TASOR: variants seen among roughly 807,000 people sequenced by gnomAD.
TASOR encodes the protein protein TASOR.
A neutral mutation model predicts 178.6 loss-of-function variants in TASOR; 53 were observed. That is an observed-to-expected ratio of 0.30 (90% CI 0.24 to 0.37). The LOEUF (loss-of-function observed/expected upper bound fraction) is 0.37. TASOR is among the 10% of genes least tolerant of loss of function. The pLI, the probability that TASOR is intolerant of heterozygous loss-of-function variation, is 1.00. For missense variants in TASOR, 1,815 were observed against 1,971.4 expected (o/e 0.92, Z 1.50); for synonymous variants, 713 against 696.2 (o/e 1.02, Z -0.38).
intron 18 of TASOR, among the ~76,000 whole-genome samples, chr3:56,630,879 G>A (rs2076896619): frequency 7.4e-6 from 1 of 134,422 alleles, no homozygotes; most frequent in Non-Finnish European, 1.6e-5. Flanking sequence ...ATGTCAAATA[G>A]GTATGTGTTA....
intron 7 of TASOR, 116 bp from the exon 8 acceptor site, chr3:56,663,688 C>G (rs1208553289): frequency 9.1e-7 from 1 of 1,096,586 alleles, no homozygotes; most frequent in Non-Finnish European, 1.1e-6. Context: ...AGTCCTTCCT[C>G]CAGGTAGGAA....
chr3:56,682,632 G>A, intron 1 of TASOR, 44 bp downstream of exon 1: 1 of 1,408,630 alleles, frequency 7.1e-7, no homozygotes, highest in Non-Finnish European at 9.4e-7. Flanking sequence ...ATGAAAAGAT[G>A]GAGGGGAGAG....
chr3:56,667,041 G>A (rs888352878), intron 6 of TASOR, among the ~76,000 whole-genome samples: 1 of 152,154 alleles, frequency 6.6e-6, no homozygotes, highest in Non-Finnish European at 1.5e-5. Flanking sequence ...TTTCAATAAT[G>A]TTGTTATTGC....
chr3:56,630,614 C>T (rs1209000185), intron 18 of TASOR, among the ~76,000 whole-genome samples: 2 of 152,122 alleles, frequency 1.3e-5, no homozygotes, highest in South Asian at 2.1e-4. Flanking sequence ...GAGGCCAAGG[C>T]GGGCACATCA....
intron 1 of TASOR, 128 bp downstream of exon 1, chr3:56,682,548 G>C: frequency 1.1e-6 from 1 of 881,604 alleles, no homozygotes; most frequent in Admixed American, 3.7e-5. Context: ...GGCGGTGAGG[G>C]GAGAGGCGGC....
Position 56,624,468 on chromosome 3 carries a change from TG to T in TASOR, c.4483+10del, listed in dbSNP as rs1486504616. 3.1e-6 allele frequency: 5 copies of T among 1,608,676 alleles called. No homozygotes were observed. The African/African-American group carries it at 6.7e-5, about 22-fold the overall frequency. ...CTGCGTTAAAGAAAATGAAAACCAC[TG>T]AAAAGTTACCTGACTGCGACTCAAG... On this transcript the variant is annotated intron_variant, in intron 23 of 23. Transcript: ENST00000683822.
chr3:56,626,675 G>A (rs1470661235), intron 21 of TASOR, among the ~76,000 whole-genome samples: 2 of 151,996 alleles, frequency 1.3e-5, no homozygotes, highest in East Asian at 1.9e-4. Context: ...CCCAGGAGGT[G>A]GAGGTTGCAG....
intron 14 of TASOR, among the ~76,000 whole-genome samples, chr3:56,645,526 A>G (rs770015249): frequency 3.7e-4 from 57 of 152,222 alleles, no homozygotes; most frequent in Non-Finnish European, 6.2e-4. Flanking sequence ...TCAACTTTCT[A>G]TGAATGCAAA....
At chr3:56,661,560 C>G (rs1156296169) in intron 9 of TASOR, among the ~76,000 whole-genome samples, 1 of 152,122 alleles carries the variant, frequency 6.6e-6, no homozygotes, top group Non-Finnish European at 1.5e-5. Flanking sequence ...AAAAGGCTGT[C>G]ATTTTATTAA....
At chr3:56,648,230 A>G (rs2077276635) in intron 13 of TASOR, among the ~76,000 whole-genome samples, 1 of 152,212 alleles carries the variant, frequency 6.6e-6, no homozygotes, top group African/African-American at 2.4e-5. Flanking sequence ...CTCTATCTCT[A>G]AAATAAATAA....
At chr3:56,678,307 G>C (rs912519087) in intron 1 of TASOR, among the ~76,000 whole-genome samples, 1 of 148,938 alleles carries the variant, frequency 6.7e-6, no homozygotes, top group Admixed American at 6.8e-5. Context: ...TCAGCCTCCC[G>C]AGCAGCTGGG....
intron 18 of TASOR, among the ~76,000 whole-genome samples, chr3:56,632,122 G>A (rs1029589046): frequency 6.6e-6 from 1 of 152,100 alleles, no homozygotes; most frequent in African/African-American, 2.4e-5. Flanking sequence ...AATCCCATGA[G>A]ATAAACCCTG....
intron 13 of TASOR, 106 bp from the exon 14 acceptor site, chr3:56,647,329 T>C (rs959383884): frequency 1.5e-5 from 13 of 885,072 alleles, no homozygotes; most frequent in Non-Finnish European, 2.0e-5. Context: ...CATTTATACA[T>C]TAATGTTGAA....
chr3:56,668,467 T>A lies in TASOR; in HGVS notation c.827A>T (p.Glu276Val). 1.3e-6 allele frequency: 2 copies of A among 1,551,684 alleles called. No individual in the cohort carries two copies. Among genetic ancestry groups the A allele is most frequent in the Non-Finnish European group, 1.7e-6 (2 of 1,146,970 alleles). ...ATTGGCATTCTTTGACACGTGACAT[T>A]CATGCTTTGGTGTGGGGTCCAAAGC... ...KSALDPTPKH[E>V]CHVSKNANRI... The change falls in exon 6 of 24, where the codon GAA (glutamate) becomes GTA (valine). Residue 276 changes from glutamate (E) to valine (V), a missense_variant. Physicochemically the swap from Glu to Val is moderately radical, Grantham distance 121. Around this residue, in one of 5 missense-constraint regions of TASOR, gnomAD observed 504 missense variants for 645.3 expected, o/e 0.78. Transcript: ENST00000683822.
At chr3:56,631,527 T>A (rs1472549034) in intron 18 of TASOR, among the ~76,000 whole-genome samples, 1 of 152,120 alleles carries the variant, frequency 6.6e-6, no homozygotes, top group Non-Finnish European at 1.5e-5. Context: ...CTTACGTATC[T>A]ATGTCTAAAC....
At chr3:56,662,321 A>G (rs1422520769) in intron 9 of TASOR, 64 bp downstream of exon 9, 1 of 819,654 alleles carries the variant, frequency 1.2e-6, no homozygotes, top group African/African-American at 1.8e-5. Flanking sequence ...AAAAAGAAAT[A>G]AGGAAAAAGG....
intron 17 of TASOR, among the ~76,000 whole-genome samples, chr3:56,635,120 C>T (rs10212341): frequency 0.37 from 56,407 of 151,990 alleles, 11,013 homozygotes; most frequent in East Asian, 0.58. Context: ...ACACTCATCA[C>T]ACTTTTCTAA....
At chr3:56,641,199 T>C in intron 15 of TASOR, 150 bp downstream of exon 15, 1 of 636,068 alleles carries the variant, frequency 1.6e-6, no homozygotes, top group Non-Finnish European at 2.6e-6. Context: ...AGGAATAACT[T>C]AGGAAGTACC....
chr3:56,630,591 C>T (rs1408132337), intron 18 of TASOR, among the ~76,000 whole-genome samples: 5 of 152,170 alleles, frequency 3.3e-5, no homozygotes, highest in Non-Finnish European at 7.4e-5. Context: ...CGCCTGTAAT[C>T]CCAGTACTTT....
Sources: allele counts gnomAD v4.1 joint callset (sites outside exome capture counted in the v4.1 genomes callset), GRCh38; gene constraint gnomAD v4.1.1; regional missense constraint gnomAD v4.1.1; transcripts MANE v1.5; gene names NCBI Gene and HGNC (gene_info 2026-07-23, HGNC 2026-07-21).